The following DLG1 variants were observed in gnomAD, a reference collection of about 807,000 sequenced individuals.
DLG1 encodes the protein disks large homolog 1.
In DLG1, 42 loss-of-function variants were observed where a neutral mutation model predicts 123.4. That is an observed-to-expected ratio of 0.34 (90% CI 0.27 to 0.44). DLG1 has a LOEUF of 0.44. Ranked by LOEUF, DLG1 falls within the 20% of genes least tolerant of loss-of-function variation. The pLI is 1.00. For missense variants in DLG1, 942 were observed against 1,082.6 expected (o/e 0.87, Z 1.82); for synonymous variants, 317 against 356.2 (o/e 0.89, Z 1.24).
At chr3:197,280,575 T>C (rs1214198679) in intron 4 of DLG1, among the ~76,000 whole-genome samples, 1 of 152,246 alleles carries the variant, frequency 6.6e-6, no homozygotes, top group East Asian at 1.9e-4. Context: ...CTGTTTTCCA[T>C]AATGGCTGTA....
chr3:197,101,315 A>G (rs887406127), intron 14 of DLG1, among the ~76,000 whole-genome samples: 2 of 152,246 alleles, frequency 1.3e-5, no homozygotes, highest in African/African-American at 4.8e-5. Flanking sequence ...GGGAGTTAAA[A>G]GAGTGAATAA....
chr3:197,177,496 T>C (rs1375135506), intron 5 of DLG1, among the ~76,000 whole-genome samples: 8 of 152,140 alleles, frequency 5.3e-5, no homozygotes. Context: ...CAATTATCAT[T>C]ACACATGAGA....
chr3:197,139,393 G>A (rs1258942354), intron 8 of DLG1, among the ~76,000 whole-genome samples: 1 of 152,092 alleles, frequency 6.6e-6, no homozygotes, highest in Non-Finnish European at 1.5e-5. Flanking sequence ...GAATTATAAA[G>A]CTTAGAAATT....
chr3:197,250,678 G>C (rs1485124449), intron 4 of DLG1, among the ~76,000 whole-genome samples: 1 of 151,690 alleles, frequency 6.6e-6, no homozygotes, highest in Admixed American at 6.6e-5. Context: ...AACCAAAGAA[G>C]TTAAAGATCT....
intron 1 of DLG1, chr3:197,297,673 C>T (rs1315266504): frequency 6.1e-6 from 6 of 989,820 alleles, no homozygotes; most frequent in Admixed American, 6.0e-5. Flanking sequence ...TCTCGCTTGC[C>T]TTTCTCCTTG....
intron 4 of DLG1, among the ~76,000 whole-genome samples, chr3:197,240,928 A>AC (rs35037093): frequency 0.76 from 115,005 of 151,892 alleles, 43,663 homozygotes; most frequent in East Asian, 0.82. Context: ...CCTCAAAAAA[A>AC]AAATGTAAGA....
At chr3:197,119,732 C>T (rs946168646) in intron 11 of DLG1, among the ~76,000 whole-genome samples, 1 of 152,126 alleles carries the variant, frequency 6.6e-6, no homozygotes, top group African/African-American at 2.4e-5. Context: ...ATACTCCCAC[C>T]TCAGCCTCCC....
rs960015078 is a variant in DLG1 at position 197,298,016 on chromosome 3, CG to C, written c.-32+519del. ...GGCCGCGCCGCCTCCTCGCTCGCCG[CG>C]GCCCCCCGGCCCGCTCGCCCAGTTG... On this transcript the variant is annotated intron_variant, in intron 1 of 24. Coordinates refer to ENST00000667157, the MANE Select transcript of DLG1 (RefSeq NM_001366207.1). 5.1e-6 allele frequency: 4 copies of C among 779,736 alleles called. No individual in the cohort carries two copies. The African/African-American group carries it at 7.5e-5, about 15-fold the overall frequency. The allele number at this position is 779,736 out of a possible 1,614,324, so 48.3% of individuals were successfully genotyped here. A position where few individuals can be genotyped will look rare whatever the true frequency, so the allele number is the denominator to read the frequency against.
chr3:197,126,541 A>G (rs995931799), intron 11 of DLG1, among the ~76,000 whole-genome samples: 1 of 152,196 alleles, frequency 6.6e-6, no homozygotes, highest in African/African-American at 2.4e-5. Flanking sequence ...CAATGTGCAC[A>G]TGGTTATTAG....
intron 3 of DLG1, among the ~76,000 whole-genome samples, chr3:197,289,341 T>TACACACAC (rs56319334): frequency 0.22 from 33,220 of 150,244 alleles, 4,307 homozygotes; most frequent in East Asian, 0.57. Flanking sequence ...TACACGCGCA[T>TACACACAC]ACACACACAC....
chr3:197,062,934 C>CTGACA (rs1736845345), intron 22 of DLG1, among the ~76,000 whole-genome samples: 1 of 152,072 alleles, frequency 6.6e-6, no homozygotes, highest in African/African-American at 2.4e-5. Context: ...CTCCCTTTTT[C>CTGACA]TGACAGTCAA....
intron 3 of DLG1, among the ~76,000 whole-genome samples, chr3:197,295,493 A>C (rs1209508953): frequency 6.6e-6 from 1 of 152,142 alleles, no homozygotes; most frequent in African/African-American, 2.4e-5. Flanking sequence ...AAAAAAAAAA[A>C]ACTTCATTCT....
chr3:197,297,611 C>G, intron 1 of DLG1: 1 of 1,011,402 alleles, frequency 9.9e-7, no homozygotes, highest in African/African-American at 1.7e-5. Flanking sequence ...GGCCGCAGAG[C>G]GCTGAGAGGG....
At position 197,130,789 on chromosome 3, in the gene DLG1, C is replaced by G; in HGVS notation, c.1021-118G>C. The G allele has an allele frequency of 4.0e-6, 3 of 757,110 alleles. No individual in the cohort carries two copies. In the South Asian group the frequency reaches 6.5e-5, roughly 16 times the overall value. The allele number at this position is 757,110 out of a possible 1,614,324, so 46.9% of individuals were successfully genotyped here. On this transcript the variant is annotated intron_variant, in intron 10 of 24. Coordinates refer to ENST00000667157, the MANE Select transcript of DLG1 (RefSeq NM_001366207.1). ...TGGTTTAAGGAAAATAAAGGTATGC[C>G]GAAAGAAAATACCCATGTTTGATGT...
At position 197,132,058 on chromosome 3, in the gene DLG1, GTC is replaced by G. The variant is rs755657080; in HGVS notation, c.1021-1389_1021-1388del. On this transcript the variant is annotated intron_variant, in intron 10 of 24. Transcript: ENST00000667157. ...TATTAGCACATAGTTACTCATAATA[GTC>G]TCTTGTTTTCCCTCTTTCATGCTTG... Among the ~76,000 whole-genome samples the G allele has an allele frequency of 1.6e-4, 25 of 152,082 alleles. 1 individual carries two copies. The highest frequency in any genetic ancestry group is 1.0e-3 in the South Asian group (5 of 4,820).
chr3:197,166,311 G>A (rs565626849), intron 5 of DLG1, among the ~76,000 whole-genome samples: 1 of 152,174 alleles, frequency 6.6e-6, no homozygotes, highest in South Asian at 2.1e-4. Flanking sequence ...AATACATGAA[G>A]GATACTGACA....
intron 4 of DLG1, among the ~76,000 whole-genome samples, chr3:197,278,306 A>G (rs912593422): frequency 2.7e-5 from 4 of 149,404 alleles, no homozygotes; most frequent in Admixed American, 6.7e-5. Context: ...AAAAAAAAAA[A>G]AAAAAGAAAT....
At chr3:197,293,486 T>G (rs1334936516) in intron 3 of DLG1, among the ~76,000 whole-genome samples, 2 of 152,196 alleles carry the variant, frequency 1.3e-5, no homozygotes, top group Non-Finnish European at 2.9e-5. Flanking sequence ...AAATGACATA[T>G]ACCAGATATT....
chr3:197,258,406 T>C (rs1338250233), intron 4 of DLG1, among the ~76,000 whole-genome samples: 1 of 118,142 alleles, frequency 8.5e-6, no homozygotes, highest in Non-Finnish European at 1.6e-5. Context: ...GATTCTTCAT[T>C]GTGAAGAACA....
Sources: allele counts gnomAD v4.1 joint callset (sites outside exome capture counted in the v4.1 genomes callset), GRCh38; gene constraint gnomAD v4.1.1; transcripts MANE v1.5; gene names NCBI Gene and HGNC (gene_info 2026-07-23, HGNC 2026-07-21).